SMOC2: variants seen among roughly 807,000 people sequenced by gnomAD.
SMOC2 encodes SPARC-related modular calcium-binding protein 2.
In SMOC2, 39 loss-of-function variants were observed where a neutral mutation model predicts 61.4. The observed-to-expected ratio is 0.64, with a 90% CI of 0.49 to 0.83. The LOEUF (loss-of-function observed/expected upper bound fraction) is 0.83. SMOC2 is among the 40% of genes least tolerant of loss of function. SMOC2 has a pLI of 0.00. For missense variants in SMOC2, 556 were observed against 592.9 expected (o/e 0.94, Z 0.65); for synonymous variants, 247 against 239.9 (o/e 1.03, Z -0.27).
chr6:168,581,406 C>T (rs965491332), intron 7 of SMOC2, among the ~76,000 whole-genome samples: 3 of 152,256 alleles, frequency 2.0e-5, no homozygotes, highest in South Asian at 2.1e-4. Context: ...GACAAGAGGA[C>T]GAAGGAGCTT....
chr6:168,510,367 C>T (rs1224400685), intron 2 of SMOC2, among the ~76,000 whole-genome samples: 1 of 152,134 alleles, frequency 6.6e-6, no homozygotes, highest in Non-Finnish European at 1.5e-5. Flanking sequence ...AAATTATTCT[C>T]AATAAGATTT....
At chr6:168,531,967 C>T (rs540159425) in intron 4 of SMOC2, among the ~76,000 whole-genome samples, 1 of 152,230 alleles carries the variant, frequency 6.6e-6, no homozygotes, top group East Asian at 1.9e-4. Context: ...AGGTTGATGG[C>T]AAATGGTGTG....
At chr6:168,618,307 G>C (rs557770166) in intron 9 of SMOC2, among the ~76,000 whole-genome samples, 2 of 152,236 alleles carry the variant, frequency 1.3e-5, no homozygotes, top group African/African-American at 4.8e-5. Context: ...AAGAGCCAGC[G>C]TAGTGGCATT....
intron 2 of SMOC2, among the ~76,000 whole-genome samples, chr6:168,518,350 G>A (rs1339282216): frequency 3.3e-5 from 5 of 150,524 alleles, no homozygotes; most frequent in Admixed American, 6.7e-5. Flanking sequence ...GTGTGTGTGC[G>A]TGAGTGCGAA....
intron 1 of SMOC2, among the ~76,000 whole-genome samples, chr6:168,442,364 G>T (rs2114985509): frequency 6.6e-6 from 1 of 152,378 alleles, no homozygotes; most frequent in African/African-American, 2.4e-5. Flanking sequence ...TGTAGAGGGG[G>T]CTGAGCCAAG....
intron 9 of SMOC2, among the ~76,000 whole-genome samples, chr6:168,648,329 C>A (rs1340339577): frequency 6.6e-6 from 1 of 152,236 alleles, no homozygotes; most frequent in Admixed American, 6.5e-5. Flanking sequence ...GTCTCGTCGC[C>A]CTGGACAAGT....
In SMOC2 at chr6:168,616,814, C is replaced by T. The variant is rs116527972; in HGVS notation, c.907+8575C>T. Among the ~76,000 whole-genome samples, 547 of 152,240 alleles carry T rather than the reference C, an allele frequency of 3.6e-3. 4 individuals are homozygous for T. Among genetic ancestry groups the T allele is most frequent in the African/African-American group, 0.013 (535 of 41,544 alleles). On this transcript the variant is annotated intron_variant, in intron 9 of 12. Transcript: ENST00000356284. ...CAGGAAGAGCAGGGACAAGGGGTGCCGAGGAGTCAAGCGGTTGGGAAAAGG... is the reference window on the plus strand; with the variant it reads ...CAGGAAGAGCAGGGACAAGGGGTGCTGAGGAGTCAAGCGGTTGGGAAAAGG...
intron 9 of SMOC2, among the ~76,000 whole-genome samples, chr6:168,641,294 T>C (rs1786885158): frequency 6.6e-6 from 1 of 152,078 alleles, no homozygotes; most frequent in Non-Finnish European, 1.5e-5. Flanking sequence ...AGATCCCTCC[T>C]CAAGCCTGCG....
intron 1 of SMOC2, among the ~76,000 whole-genome samples, chr6:168,451,696 C>A (rs1583026017): frequency 6.6e-6 from 1 of 152,126 alleles, no homozygotes; most frequent in East Asian, 1.9e-4. Context: ...ACTGAGCAAT[C>A]TCTCTGACCT....
chr6:168,655,684 C>T (rs1306611858), intron 11 of SMOC2, among the ~76,000 whole-genome samples: 1 of 151,250 alleles, frequency 6.6e-6, no homozygotes, highest in Non-Finnish European at 1.5e-5. Flanking sequence ...TTCCCTCACA[C>T]ATGTGTGCTA....
chr6:168,641,240 C>T (rs1415697553), intron 9 of SMOC2, among the ~76,000 whole-genome samples: 1 of 152,128 alleles, frequency 6.6e-6, no homozygotes, highest in Non-Finnish European at 1.5e-5. Context: ...GCTCGCTCCT[C>T]CCCGGATGGC....
At chr6:168,511,806 C>CA (rs1167605597) in intron 2 of SMOC2, among the ~76,000 whole-genome samples, 16 of 90,716 alleles carry the variant, frequency 1.8e-4, no homozygotes, top group Non-Finnish European at 2.4e-4. Context: ...TATTCATTAT[C>CA]AAGGGTTGTT....
At chr6:168,451,181 G>A (rs910541887) in intron 1 of SMOC2, among the ~76,000 whole-genome samples, 8 of 152,056 alleles carry the variant, frequency 5.3e-5, no homozygotes, top group Non-Finnish European at 1.0e-4. Flanking sequence ...CCCTCGGGTC[G>A]CCCCTGCCTG....
intron 4 of SMOC2, among the ~76,000 whole-genome samples, chr6:168,528,820 A>G (rs1279557169): frequency 6.6e-6 from 1 of 152,232 alleles, no homozygotes; most frequent in Non-Finnish European, 1.5e-5. Context: ...TAACATGTAT[A>G]CCTAATAGTT....
At chr6:168,599,990 C>T (rs1043508293) in intron 8 of SMOC2, among the ~76,000 whole-genome samples, 4 of 150,606 alleles carry the variant, frequency 2.7e-5, no homozygotes, top group African/African-American at 1.0e-4. Context: ...CACACACACT[C>T]ACACACAGTC....
At chr6:168,456,068 G>A (rs2114998155) in intron 1 of SMOC2, among the ~76,000 whole-genome samples, 1 of 152,362 alleles carries the variant, frequency 6.6e-6, no homozygotes, top group Non-Finnish European at 1.5e-5. Flanking sequence ...CCCAGGGAGG[G>A]CGGAGTGGGC....
chr6:168,615,604 GGGGCCTCTTCACACCTACAGCCAGCACA>G (rs1786062482), intron 9 of SMOC2, among the ~76,000 whole-genome samples: 13 of 32,726 alleles, frequency 4.0e-4, no homozygotes, highest in African/African-American at 1.3e-3. Context: ...GCCAGCACAG[GGGGCCTCTTCACACCTACAGCCAGCACA>G]GGGCCTCTTC....
At position 168,441,383 on chromosome 6, in the gene SMOC2, C is replaced by A; in HGVS notation, c.13C>A (p.Gln5Lys). Residue 5 changes from glutamine to lysine, a missense_variant, in exon 1 of 13, where the codon CAG (glutamine) becomes AAG (lysine). Coordinates refer to ENST00000356284, the MANE Select transcript of SMOC2 (RefSeq NM_001166412.2). ...CACCTCCGCCACCATGCTGCTCCCC[C>A]AGCTCTGCTGGCTGCCGCTGCTCGC... is the stretch of plus-strand genomic sequence containing the variant. MLLP[Q>K]LCWLPLLAGL... is the part of the protein sequence containing the mutation. 1 of 1,507,880 alleles carries A rather than the reference C, an allele frequency of 6.6e-7. No individual in the cohort carries two copies. The highest frequency in any genetic ancestry group is 1.2e-5 in the South Asian group (1 of 80,888). 93.4% of individuals were successfully genotyped at this position (1,507,880 alleles called of 1,614,324 possible).
chr6:168,494,417 C>A (rs1782542607), intron 1 of SMOC2, among the ~76,000 whole-genome samples: 1 of 152,226 alleles, frequency 6.6e-6, no homozygotes, highest in African/African-American at 2.4e-5. Context: ...CTTCCTTCTC[C>A]TCTTTTTCTG....
Sources: allele counts gnomAD v4.1 joint callset (sites outside exome capture counted in the v4.1 genomes callset), GRCh38; gene constraint gnomAD v4.1.1; transcripts MANE v1.5; gene names NCBI Gene and HGNC (gene_info 2026-07-23, HGNC 2026-07-21).